Variants in CAMKMT observed in about 807,000 individuals in gnomAD.
CAMKMT encodes CaM KMT.
CAMKMT carries 53 observed loss-of-function variants against 48.0 expected under a neutral mutation model. The observed-to-expected ratio is 1.10, with a 90% CI of 0.89 to 1.39. CAMKMT has a LOEUF of 1.39. Among genes scored for constraint, CAMKMT ranks in the 40% most tolerant of loss-of-function variants. The pLI is 0.00. For missense variants in CAMKMT, 428 were observed against 402.7 expected (o/e 1.06, Z -0.54); for synonymous variants, 165 against 152.3 (o/e 1.08, Z -0.61).
chr2:44,547,360 C>G (rs1038228383), intron 3 of CAMKMT, among the ~76,000 whole-genome samples: 1 of 152,048 alleles, frequency 6.6e-6, no homozygotes, highest in African/African-American at 2.4e-5. Flanking sequence ...AAGAGTGGCT[C>G]TAAAAAATGT....
At chr2:44,647,053 C>T (rs998512105) in intron 3 of CAMKMT, among the ~76,000 whole-genome samples, 7 of 152,164 alleles carry the variant, frequency 4.6e-5, no homozygotes, top group African/African-American at 9.7e-5. Flanking sequence ...AATTCCAGCA[C>T]TTTGGGAGGC....
chr2:44,754,247 C>T, intron 9 of CAMKMT, 129 bp downstream of exon 9: 1 of 686,896 alleles, frequency 1.5e-6, no homozygotes, highest in Non-Finnish European at 2.5e-6. Context: ...TGTCCAACTT[C>T]AATTGGGTCT....
At chr2:44,458,290 G>A (rs946751485) in intron 3 of CAMKMT, among the ~76,000 whole-genome samples, 9 of 151,976 alleles carry the variant, frequency 5.9e-5, no homozygotes, top group South Asian at 2.1e-4. Context: ...CAAGTGATCC[G>A]CCCGCCTCGG....
chr2:44,603,868 A>G (rs1232082220), intron 3 of CAMKMT, among the ~76,000 whole-genome samples: 6 of 152,228 alleles, frequency 3.9e-5, no homozygotes, highest in African/African-American at 1.4e-4. Flanking sequence ...TGAGAAGGAT[A>G]CAAGAGAAAG....
intron 9 of CAMKMT, among the ~76,000 whole-genome samples, chr2:44,760,827 A>G (rs1294914639): frequency 6.6e-6 from 1 of 152,144 alleles, no homozygotes; most frequent in African/African-American, 2.4e-5. Context: ...TCCAGTGTGG[A>G]CCAATATCCA....
At chr2:44,635,164 G>C (rs1415986602) in intron 3 of CAMKMT, among the ~76,000 whole-genome samples, 1 of 152,162 alleles carries the variant, frequency 6.6e-6, no homozygotes, top group Non-Finnish European at 1.5e-5. Context: ...CATGACTTCT[G>C]CCTTCATAGA....
rs566253328 is a variant in CAMKMT, at chr2:44,554,850, G to A, written c.377-149433G>A. Among the ~76,000 whole-genome samples, 6 of 152,260 alleles carry A rather than the reference G, an allele frequency of 3.9e-5. No individual in the cohort carries two copies. In the South Asian group the frequency reaches 6.2e-4, roughly 16 times the overall value. ...ATGATCATACCCTGCACTCCGGCCC[G>A]AGTGACAGAGTGAGACTGTCCTCAA... is the stretch of plus-strand genomic sequence containing the variant. On this transcript the variant is annotated intron_variant, in intron 3 of 10. Coordinates refer to ENST00000378494, the MANE Select transcript of CAMKMT (RefSeq NM_024766.5).
chr2:44,458,124 G>A (rs1667668069), intron 3 of CAMKMT, among the ~76,000 whole-genome samples: 2 of 137,618 alleles, frequency 1.5e-5, no homozygotes, highest in Non-Finnish European at 3.0e-5. Context: ...TCGGCTCACT[G>A]CAACCTCTGC....
At chr2:44,407,608 G>C (rs748768092) in intron 3 of CAMKMT, among the ~76,000 whole-genome samples, 34 of 152,284 alleles carry the variant, frequency 2.2e-4, no homozygotes, top group Non-Finnish European at 3.8e-4. Context: ...TGATGTAGCA[G>C]TGAAACATTT....
intron 8 of CAMKMT, among the ~76,000 whole-genome samples, chr2:44,753,567 A>C (rs938124706): frequency 9.9e-5 from 15 of 152,140 alleles, no homozygotes; most frequent in Admixed American, 6.5e-5. Flanking sequence ...CAGACGTTGA[A>C]TCTAACCTCA....
At chr2:44,458,408 C>G (rs561761592) in intron 3 of CAMKMT, among the ~76,000 whole-genome samples, 46 of 152,234 alleles carry the variant, frequency 3.0e-4, no homozygotes, top group African/African-American at 1.1e-3. Flanking sequence ...AGAGAGTAAT[C>G]AAACCAAACC....
At chr2:44,672,622 C>T (rs1255060353) in intron 3 of CAMKMT, among the ~76,000 whole-genome samples, 1 of 152,178 alleles carries the variant, frequency 6.6e-6, no homozygotes, top group Non-Finnish European at 1.5e-5. Flanking sequence ...CAGCCAGAGA[C>T]TATGCCCCGG....
chr2:44,539,592 G>C (rs908493921), intron 3 of CAMKMT, among the ~76,000 whole-genome samples: 1 of 152,002 alleles, frequency 6.6e-6, no homozygotes, highest in African/African-American at 2.4e-5. Flanking sequence ...TTATGCTAGT[G>C]TCCAGTTCAC....
chr2:44,713,222 C>T (rs1208724801), intron 6 of CAMKMT, among the ~76,000 whole-genome samples: 1 of 152,096 alleles, frequency 6.6e-6, no homozygotes, highest in Non-Finnish European at 1.5e-5. Flanking sequence ...TATAATTTAA[C>T]TTCCCTGAGA....
chr2:44,516,246 C>T (rs144452100), intron 3 of CAMKMT, among the ~76,000 whole-genome samples: 9 of 152,254 alleles, frequency 5.9e-5, no homozygotes, highest in African/African-American at 1.4e-4. Flanking sequence ...TTTCCCACTG[C>T]GAGTTTTTTA....
intron 3 of CAMKMT, among the ~76,000 whole-genome samples, chr2:44,693,640 A>G (rs1676779961): frequency 6.6e-6 from 1 of 152,242 alleles, no homozygotes. Flanking sequence ...TTTGAGGAGC[A>G]TTCTGTAGTC....
chr2:44,495,860 G>T (rs1054236578), intron 3 of CAMKMT, among the ~76,000 whole-genome samples: 2 of 152,132 alleles, frequency 1.3e-5, no homozygotes, highest in Non-Finnish European at 2.9e-5. Flanking sequence ...CTTCTATTGG[G>T]TTGCTTTTGA....
intron 3 of CAMKMT, among the ~76,000 whole-genome samples, chr2:44,394,096 T>G (rs1681599126): frequency 5.9e-5 from 9 of 152,146 alleles, no homozygotes; most frequent in Admixed American, 5.9e-4. Context: ...AACAGAAGTG[T>G]TAGTACTTCG....
At chr2:44,586,751 AT>A (rs1282564092) in intron 3 of CAMKMT, among the ~76,000 whole-genome samples, 22 of 152,244 alleles carry the variant, frequency 1.4e-4, no homozygotes, top group Admixed American at 6.5e-5. Flanking sequence ...GGGTTATTAT[AT>A]ATAAAGCTGT....
Sources: allele counts gnomAD v4.1 joint callset (sites outside exome capture counted in the v4.1 genomes callset), GRCh38; gene constraint gnomAD v4.1.1; transcripts MANE v1.5; gene names NCBI Gene and HGNC (gene_info 2026-07-23, HGNC 2026-07-21).